CCSER1: variants seen among roughly 807,000 people sequenced by gnomAD.
The protein encoded by CCSER1 is serine-rich coiled-coil domain-containing protein 1.
A neutral mutation model predicts 82.0 loss-of-function variants in CCSER1; 41 were observed. That is an observed-to-expected ratio of 0.50 (90% CI 0.39 to 0.65). The LOEUF (loss-of-function observed/expected upper bound fraction) is 0.65. Ranked by LOEUF, CCSER1 falls within the 30% of genes least tolerant of loss-of-function variation. The pLI is 0.00. For synonymous variants in CCSER1, 414 were observed against 383.9 expected, an observed-to-expected ratio of 1.08 and a Z score of -0.92; for missense variants, 1,119 against 1,064.2, an observed-to-expected ratio of 1.05 and a Z score of -0.72.
chr4:90,478,239 A>AG (rs1765370877), intron 5 of CCSER1, among the ~76,000 whole-genome samples: 1 of 152,198 alleles, frequency 6.6e-6, no homozygotes, highest in Admixed American at 6.5e-5. Context: ...TGATGGAAAA[A>AG]TCAAAGTACT....
chr4:91,475,546 C>T (rs1404731387), intron 10 of CCSER1, among the ~76,000 whole-genome samples: 1 of 151,842 alleles, frequency 6.6e-6, no homozygotes, highest in Non-Finnish European at 1.5e-5. Context: ...TGTTAAGAAT[C>T]ACAGTGCCTT....
intron 10 of CCSER1, among the ~76,000 whole-genome samples, chr4:91,474,475 T>A (rs892001719): frequency 1.3e-5 from 2 of 151,656 alleles, no homozygotes; most frequent in African/African-American, 4.8e-5. Context: ...TTAATTCAAA[T>A]CATTCTATTC....
chr4:91,221,834 T>TA (rs1257940801), intron 10 of CCSER1, among the ~76,000 whole-genome samples: 6 of 152,186 alleles, frequency 3.9e-5, no homozygotes, highest in Non-Finnish European at 7.4e-5. Context: ...TCCAGTGTGA[T>TA]AAGGTTATGC....
intron 1 of CCSER1, among the ~76,000 whole-genome samples, chr4:90,242,797 T>C (rs1260105399): frequency 1.3e-5 from 2 of 152,336 alleles, no homozygotes; most frequent in East Asian, 3.9e-4. Context: ...CAGGACCTGT[T>C]GTAAGTTTTA....
intron 10 of CCSER1, among the ~76,000 whole-genome samples, chr4:91,470,008 T>C (rs1266194699): frequency 2.0e-5 from 3 of 152,220 alleles, no homozygotes; most frequent in Non-Finnish European, 4.4e-5. Flanking sequence ...TATATGTCTC[T>C]GGAAAATTTC....
At chr4:90,581,585 A>G (rs1781421064) in intron 5 of CCSER1, among the ~76,000 whole-genome samples, 1 of 152,150 alleles carries the variant, frequency 6.6e-6, no homozygotes, top group South Asian at 2.1e-4. Flanking sequence ...TAGCACCTAA[A>G]TTGTCAAGAA....
chr4:90,907,839 A>G (rs919384744), intron 8 of CCSER1, among the ~76,000 whole-genome samples: 2 of 152,022 alleles, frequency 1.3e-5, no homozygotes, highest in African/African-American at 4.8e-5. Context: ...TCCCTACTTA[A>G]ATTTATATAT....
chr4:90,853,238 A>G (rs1395780472), intron 8 of CCSER1, among the ~76,000 whole-genome samples: 1 of 152,162 alleles, frequency 6.6e-6, no homozygotes, highest in Non-Finnish European at 1.5e-5. Flanking sequence ...AAGTTTATAC[A>G]TAGTATGGGC....
chr4:90,967,029 G>A (rs1734631616), intron 9 of CCSER1, among the ~76,000 whole-genome samples: 1 of 152,058 alleles, frequency 6.6e-6, no homozygotes, highest in African/African-American at 2.4e-5. Context: ...TCAAGGGAGT[G>A]TGGTACTGGC....
intron 5 of CCSER1, among the ~76,000 whole-genome samples, chr4:90,520,771 T>G (rs1047001446): frequency 6.6e-6 from 1 of 152,116 alleles, no homozygotes; most frequent in Non-Finnish European, 1.5e-5. Flanking sequence ...TTAGGCAATG[T>G]TTGTTAAAAT....
At chr4:90,756,339 A>G (rs894518712) in intron 7 of CCSER1, among the ~76,000 whole-genome samples, 6 of 152,210 alleles carry the variant, frequency 3.9e-5, no homozygotes, top group Non-Finnish European at 8.8e-5. Flanking sequence ...ATAACTTTGT[A>G]GTAAGTTTCA....
chr4:90,354,422 A>G (rs1744057936), intron 3 of CCSER1, among the ~76,000 whole-genome samples: 1 of 152,190 alleles, frequency 6.6e-6, no homozygotes, highest in Admixed American at 6.5e-5. Flanking sequence ...GCATGGTGAC[A>G]GTAGTTAATA....
chr4:90,945,356 G>T (rs933384534), intron 9 of CCSER1, among the ~76,000 whole-genome samples: 2 of 152,064 alleles, frequency 1.3e-5, no homozygotes, highest in Non-Finnish European at 2.9e-5. Context: ...AAATGGAATG[G>T]ATCATGTTCC....
At chr4:90,973,314 CA>C (rs1735294332) in intron 9 of CCSER1, among the ~76,000 whole-genome samples, 1 of 151,550 alleles carries the variant, frequency 6.6e-6, no homozygotes, top group Non-Finnish European at 1.5e-5. Context: ...TCAAGTAATT[CA>C]ATAGAAGAAA....
At chr4:91,431,899 G>A (rs1754348925) in intron 10 of CCSER1, among the ~76,000 whole-genome samples, 3 of 151,498 alleles carry the variant, frequency 2.0e-5, no homozygotes, top group Admixed American at 2.0e-4. Context: ...TTGGTTCACT[G>A]CTGCATACTT....
intron 6 of CCSER1, among the ~76,000 whole-genome samples, chr4:90,695,909 CAA>C (rs1394054840): frequency 1.3e-5 from 2 of 151,664 alleles, no homozygotes; most frequent in African/African-American, 4.8e-5. Flanking sequence ...AGAGATGACA[CAA>C]AGAGCTAGGT....
chr4:91,504,591 GATA>G (rs201429101), intron 10 of CCSER1, among the ~76,000 whole-genome samples: 2,060 of 151,778 alleles, frequency 0.014, 21 homozygotes, highest in African/African-American at 0.03. Flanking sequence ...AATAATACTA[GATA>G]ATAATTTTAT....
chr4:90,788,646 A>G (rs1171543206), intron 7 of CCSER1, among the ~76,000 whole-genome samples: 1 of 152,142 alleles, frequency 6.6e-6, no homozygotes, highest in Non-Finnish European at 1.5e-5. Context: ...TTTTTAACTA[A>G]TGATGTCTGC....
chr4:91,419,507 C>G (rs957811170), intron 10 of CCSER1, among the ~76,000 whole-genome samples: 1 of 151,828 alleles, frequency 6.6e-6, no homozygotes, highest in African/African-American at 2.4e-5. Flanking sequence ...TTGAAGGAGA[C>G]AAAACATCTG....
Sources: gnomAD v4.1 joint callset for allele counts (sites outside exome capture counted in the v4.1 genomes callset) on GRCh38, gnomAD v4.1.1 for gene constraint, MANE v1.5 for transcripts, NCBI Gene and HGNC (gene_info 2026-07-23, HGNC 2026-07-21) for gene names.